Variants in TEF observed in about 807,000 individuals in gnomAD.
TEF encodes thyrotroph embryonic factor.
Under a neutral mutation model 20.8 loss-of-function variants are expected in TEF, and 3 were observed. That is an observed-to-expected ratio of 0.14 (90% confidence interval 0.07 to 0.37). The LOEUF is 0.37. Among genes scored for constraint, TEF ranks in the 10% least tolerant of loss-of-function variants. The pLI is 1.00. For missense variants in TEF, 296 were observed against 397.9 expected (o/e 0.74, Z 2.18); for synonymous variants, 180 against 171.1 (o/e 1.05, Z -0.41).
chr22:41,389,994 G>T (rs906745159), intron 2 of TEF, among the ~76,000 whole-genome samples: 19 of 151,910 alleles, frequency 1.3e-4, no homozygotes, highest in African/African-American at 4.6e-4. Context: ...CCGCCTCCTG[G>T]GTTTAAGCGA....
At chr22:41,386,177 G>A (rs1004552648) in intron 1 of TEF, among the ~76,000 whole-genome samples, 3 of 152,150 alleles carry the variant, frequency 2.0e-5, no homozygotes, top group African/African-American at 4.8e-5. Flanking sequence ...AGTGGCTCAC[G>A]CCTGTAATCC....
At chr22:41,369,246 GCCGAAAAGTCC>G in intron 1 of TEF, 2 of 985,442 alleles carry the variant, frequency 2.0e-6, no homozygotes, top group African/African-American at 3.5e-5. Context: ...CCCTGCAATA[GCCGAAAAGTCC>G]CCCTCCCTCA....
At chr22:41,391,193 A>T (rs2037160770) in intron 2 of TEF, among the ~76,000 whole-genome samples, 1 of 152,182 alleles carries the variant, frequency 6.6e-6, no homozygotes, top group South Asian at 2.1e-4. Flanking sequence ...TGATCATGCC[A>T]CACCTCTGCC....
intron 1 of TEF, chr22:41,369,208 G>A: frequency 2.0e-6 from 2 of 985,370 alleles, no homozygotes; most frequent in Admixed American, 6.1e-5. Flanking sequence ...GCAGCTGCCG[G>A]TCTCTGGCTC....
At chr22:41,382,578 C>G (rs537547632) in intron 1 of TEF, among the ~76,000 whole-genome samples, 2 of 152,088 alleles carry the variant, frequency 1.3e-5, no homozygotes, top group African/African-American at 4.8e-5. Flanking sequence ...GGACAGGGGT[C>G]TTGCATTTTA....
At chr22:41,392,457 C>CTTGAGCT in intron 2 of TEF, among the ~76,000 whole-genome samples, 1 of 151,620 alleles carries the variant, frequency 6.6e-6, no homozygotes, top group East Asian at 1.9e-4. Flanking sequence ...AGGTGGATCA[C>CTTGAGCT]CAAGTCAGGA....
chr22:41,384,293 C>G (rs1003588160), intron 1 of TEF, among the ~76,000 whole-genome samples: 2 of 152,160 alleles, frequency 1.3e-5, no homozygotes, highest in Non-Finnish European at 2.9e-5. Context: ...ACTTTGATTT[C>G]CTTCCAACCT....
chr22:41,369,240 G>A, intron 1 of TEF: 1 of 985,438 alleles, frequency 1.0e-6, no homozygotes, highest in Non-Finnish European at 1.2e-6. Context: ...GTGGGGCCCT[G>A]CAATAGCCGA....
In TEF at chr22:41,382,059, C is replaced by A; in HGVS notation, c.15C>A (p.Gly5=). ...TCCGGGGCACGATGTCCGACGCGGG[C>A]GGCGGAAAGAAGCCGCCTGTGGACC... The part of the protein sequence containing the change: MSDA[G]GGKKPPVDPQ... Residue 5 remains glycine, a synonymous_variant, in exon 1 of 4, where the codon GGC becomes GGA. Transcript: ENST00000266304. The A allele has an allele frequency of 8.1e-7, 1 of 1,230,962 alleles. No individual in the cohort carries two copies. The highest frequency in any genetic ancestry group is 1.0e-6 in the Non-Finnish European group (1 of 987,476). The allele number at this position is 1,230,962 out of a possible 1,614,324, so 76.3% of individuals were successfully genotyped here.
chr22:41,391,785 G>A (rs2037170275), intron 2 of TEF, among the ~76,000 whole-genome samples: 1 of 152,106 alleles, frequency 6.6e-6, no homozygotes, highest in African/African-American at 2.4e-5. Flanking sequence ...ATCACGCCCA[G>A]CTAATTTTCG....
chr22:41,373,728 A>G (rs1282390396), intron 1 of TEF, among the ~76,000 whole-genome samples: 2 of 150,252 alleles, frequency 1.3e-5, no homozygotes, highest in African/African-American at 2.5e-5. Flanking sequence ...TTGGCCTCCC[A>G]AAGTGCTGGG....
chr22:41,392,278 C>CT (rs1218245914), intron 2 of TEF, among the ~76,000 whole-genome samples: 1 of 152,180 alleles, frequency 6.6e-6, no homozygotes, highest in African/African-American at 2.4e-5. Context: ...GCCAGCCAGA[C>CT]TAAGTTTCAA....
At chr22:41,394,432 A>G in intron 3 of TEF, 116 bp downstream of exon 3, 4 of 1,029,818 alleles carry the variant, frequency 3.9e-6, no homozygotes, top group Non-Finnish European at 4.2e-6. Context: ...CACCATTTGG[A>G]AAGACATGAG....
exon 1 of TEF, chr22:41,367,592 G>C (rs1051393763): frequency 6.4e-6 from 10 of 1,551,248 alleles, no homozygotes; most frequent in Middle Eastern, 1.7e-4. Context: ...GGCCAGAGAA[G>C]AGAACAGGTA....
At chr22:41,376,814 C>A (rs545652563) in intron 1 of TEF, among the ~76,000 whole-genome samples, 1 of 152,342 alleles carries the variant, frequency 6.6e-6, no homozygotes, top group African/African-American at 2.4e-5. Context: ...GTCATCCTCA[C>A]AACCATCCTG....
intron 1 of TEF, among the ~76,000 whole-genome samples, chr22:41,374,921 T>A (rs2036922331): frequency 6.6e-6 from 1 of 151,982 alleles, no homozygotes; most frequent in South Asian, 2.1e-4. Flanking sequence ...GTAACTTTTG[T>A]TGAAAAAAAT....
chr22:41,392,215 C>T (rs184374617), intron 2 of TEF, among the ~76,000 whole-genome samples: 3 of 152,248 alleles, frequency 2.0e-5, no homozygotes, highest in East Asian at 1.9e-4. Flanking sequence ...TTAACCCAAT[C>T]GGTGTCCACT....
At chr22:41,375,287 A>G (rs1337514209) in intron 1 of TEF, among the ~76,000 whole-genome samples, 2 of 152,174 alleles carry the variant, frequency 1.3e-5, no homozygotes, top group Non-Finnish European at 2.9e-5. Context: ...CCTGGAACAC[A>G]CTGAGACCAA....
chr22:41,373,606 A>G (rs959323782), intron 1 of TEF, among the ~76,000 whole-genome samples: 2 of 151,546 alleles, frequency 1.3e-5, no homozygotes, highest in African/African-American at 4.9e-5. Flanking sequence ...AGTAGCTGGG[A>G]TTATGGGCGC....
Sources: gnomAD v4.1 joint callset for allele counts (sites outside exome capture counted in the v4.1 genomes callset) on GRCh38, gnomAD v4.1.1 for gene constraint, MANE v1.5 for transcripts, NCBI Gene and HGNC (gene_info 2026-07-23, HGNC 2026-07-21) for gene names.